Variants in CADPS2 observed in about 807,000 individuals in gnomAD.
The protein encoded by CADPS2 is calcium dependent secretion activator 2, also known as calcium-dependent secretion activator 2.
Under a neutral mutation model 172.5 loss-of-function variants are expected in CADPS2, and 93 were observed. The ratio of observed to expected loss-of-function variants is 0.54; its 90% CI spans 0.46 to 0.64. The LOEUF (loss-of-function observed/expected upper bound fraction) is 0.64. Ranked by LOEUF, CADPS2 falls within the 30% of genes least tolerant of loss-of-function variation. CADPS2 has a pLI of 0.00. For missense variants in CADPS2, 1,420 were observed against 1,565.9 expected (o/e 0.91, Z 1.57); for synonymous variants, 546 against 555.2 (o/e 0.98, Z 0.23).
chr7:122,714,339 T>G (rs977845893), intron 2 of CADPS2, among the ~76,000 whole-genome samples: 5 of 152,128 alleles, frequency 3.3e-5, no homozygotes, highest in African/African-American at 1.2e-4. Flanking sequence ...TAGTATTCAC[T>G]GTTTCTATCA....
intron 2 of CADPS2, among the ~76,000 whole-genome samples, chr7:122,708,461 G>GATATATATATATATATATAT (rs3034549): frequency 7.8e-6 from 1 of 128,236 alleles, no homozygotes; most frequent in African/African-American, 3.0e-5. Context: ...TATGTGTGTG[G>GATATATATATATATATATAT]ATATATATAT....
intron 2 of CADPS2, among the ~76,000 whole-genome samples, chr7:122,665,149 T>G (rs931671835): frequency 6.6e-6 from 1 of 152,098 alleles, no homozygotes; most frequent in Admixed American, 6.5e-5. Context: ...ACTCCCAAGT[T>G]ATGATCATAC....
intron 25 of CADPS2, among the ~76,000 whole-genome samples, chr7:122,361,548 T>C (rs939506924): frequency 1.3e-5 from 2 of 151,966 alleles, no homozygotes; most frequent in African/African-American, 4.8e-5. Flanking sequence ...ACACAATTTT[T>C]AAAAAAATAA....
chr7:122,807,786 G>GGC, intron 1 of CADPS2, among the ~76,000 whole-genome samples: 1 of 152,060 alleles, frequency 6.6e-6, no homozygotes, highest in Non-Finnish European at 1.5e-5. Context: ...GGCATTGGGG[G>GGC]AAGGTGGTCT....
intron 7 of CADPS2, among the ~76,000 whole-genome samples, chr7:122,560,159 A>G (rs1056394560): frequency 6.6e-5 from 10 of 152,150 alleles, no homozygotes; most frequent in African/African-American, 2.4e-4. Flanking sequence ...AGTTGGCAAA[A>G]TCAGGTAAGT....
intron 1 of CADPS2, among the ~76,000 whole-genome samples, chr7:122,756,404 CATT>C (rs2093162969): frequency 6.6e-6 from 1 of 152,044 alleles, no homozygotes; most frequent in African/African-American, 2.4e-5. Context: ...AATTCATTTA[CATT>C]ATCAAAAGAA....
At chr7:122,666,553 A>T (rs1489182155) in intron 2 of CADPS2, among the ~76,000 whole-genome samples, 2 of 152,080 alleles carry the variant, frequency 1.3e-5, no homozygotes, top group Non-Finnish European at 2.9e-5. Flanking sequence ...CATGTTGGCC[A>T]GGCTGGTCTC....
intron 19 of CADPS2, among the ~76,000 whole-genome samples, chr7:122,408,394 ACATCCATTCTCC>A (rs2046920894): frequency 6.6e-6 from 1 of 152,088 alleles, no homozygotes; most frequent in African/African-American, 2.4e-5. Context: ...GTGTTTGCTC[ACATCCATTCTCC>A]ATTCAGCAGC....
intron 7 of CADPS2, among the ~76,000 whole-genome samples, chr7:122,567,991 G>T (rs918869054): frequency 6.6e-6 from 1 of 152,118 alleles, no homozygotes; most frequent in African/African-American, 2.4e-5. Flanking sequence ...GCAGAGGTGT[G>T]TCAGAATGGA....
chr7:122,857,784 C>T (rs370857475), intron 1 of CADPS2, among the ~76,000 whole-genome samples: 10 of 152,256 alleles, frequency 6.6e-5, no homozygotes, highest in African/African-American at 2.2e-4. Context: ...TCGCTGACTT[C>T]AAGAATGAAG....
At chr7:122,460,926 G>A (rs1294509967) in intron 14 of CADPS2, among the ~76,000 whole-genome samples, 3 of 152,164 alleles carry the variant, frequency 2.0e-5, no homozygotes, top group African/African-American at 4.8e-5. Context: ...GGCAAACTAC[G>A]GCCTTTCATC....
intron 2 of CADPS2, among the ~76,000 whole-genome samples, chr7:122,705,822 T>TATAATATATATGATATATAATA (rs1427285079): frequency 5.7e-5 from 1 of 17,468 alleles, no homozygotes; most frequent in African/African-American, 1.5e-4. Context: ...TATATAATAA[T>TATAATATATATGATATATAATA]ATATATTTAT....
chr7:122,884,920 C>G (rs2141841798), intron 1 of CADPS2, among the ~76,000 whole-genome samples: 1 of 152,264 alleles, frequency 6.6e-6, no homozygotes, highest in Middle Eastern at 3.4e-3. Context: ...CAACTCAAAA[C>G]CTCTCCAAAT....
intron 1 of CADPS2, among the ~76,000 whole-genome samples, chr7:122,845,102 A>G (rs1811625703): frequency 6.6e-6 from 1 of 152,170 alleles, no homozygotes; most frequent in South Asian, 2.1e-4. Context: ...CAAATCCCAG[A>G]AATGAGGGAG....
chr7:122,706,881 T>C (rs1198672188), intron 2 of CADPS2, among the ~76,000 whole-genome samples: 1 of 150,786 alleles, frequency 6.6e-6, no homozygotes, highest in Non-Finnish European at 1.5e-5. Flanking sequence ...CTTCCCTCAA[T>C]GTCTCTTTGG....
intron 20 of CADPS2, among the ~76,000 whole-genome samples, chr7:122,402,408 C>T (rs1026740068): frequency 2.0e-5 from 3 of 152,172 alleles, no homozygotes; most frequent in East Asian, 1.9e-4. Context: ...TCAAGCCCCC[C>T]GCCCGAGTTC....
chr7:122,712,839 G>C (rs2088972704), intron 2 of CADPS2, among the ~76,000 whole-genome samples: 1 of 151,980 alleles, frequency 6.6e-6, no homozygotes, highest in Admixed American at 6.6e-5. Flanking sequence ...GAAAGAGTAA[G>C]GGGGTCTCTC....
At chr7:122,430,355 G>C (rs2049739355) in intron 17 of CADPS2, among the ~76,000 whole-genome samples, 1 of 152,130 alleles carries the variant, frequency 6.6e-6, no homozygotes, top group African/African-American at 2.4e-5. Context: ...ATAATTTTCA[G>C]GAAACAGTAG....
intron 6 of CADPS2, among the ~76,000 whole-genome samples, chr7:122,593,051 T>C (rs1375087479): frequency 6.6e-6 from 1 of 151,924 alleles, no homozygotes; most frequent in East Asian, 1.9e-4. Flanking sequence ...GATATCTAAA[T>C]TGAATTACAC....
Sources: allele counts gnomAD v4.1 joint callset (sites outside exome capture counted in the v4.1 genomes callset), GRCh38; gene constraint gnomAD v4.1.1; transcripts MANE v1.5; gene names NCBI Gene and HGNC (gene_info 2026-07-23, HGNC 2026-07-21).